The following ASIC2 variants were observed in gnomAD, a reference collection of about 807,000 sequenced individuals.
ASIC2 encodes acid-sensing ion channel 2.
Under a neutral mutation model 57.3 loss-of-function variants are expected in ASIC2, and 25 were observed. The observed-to-expected ratio is 0.44, with a 90% CI of 0.32 to 0.61. ASIC2 has a LOEUF of 0.61. Ranked by LOEUF, ASIC2 falls within the 20% of genes least tolerant of loss-of-function variation. The pLI is 0.06. For missense variants in ASIC2, 641 were observed against 738.1 expected, an observed-to-expected ratio of 0.87 and a Z score of 1.52; for synonymous variants, 319 against 307.5, an observed-to-expected ratio of 1.04 and a Z score of -0.39.
At chr17:33,068,564 C>CAAAACA (rs1319892518) in intron 3 of ASIC2, among the ~76,000 whole-genome samples, 15 of 151,722 alleles carry the variant, frequency 9.9e-5, no homozygotes, top group African/African-American at 2.9e-4. Context: ...CAAAACAAAA[C>CAAAACA]AAACCCAAAA....
intron 1 of ASIC2, among the ~76,000 whole-genome samples, chr17:33,331,779 T>A (rs764945779): frequency 3.9e-5 from 6 of 152,232 alleles, no homozygotes; most frequent in Non-Finnish European, 7.3e-5. Context: ...CCTATTGTTA[T>A]CCCTATTCTA....
At chr17:33,125,534 G>A (rs1293176790) in intron 1 of ASIC2, among the ~76,000 whole-genome samples, 1 of 152,170 alleles carries the variant, frequency 6.6e-6, no homozygotes, top group African/African-American at 2.4e-5. Flanking sequence ...CATCTAATGA[G>A]CAACTATTAC....
intron 1 of ASIC2, among the ~76,000 whole-genome samples, chr17:34,074,586 T>C (rs1909552770): frequency 6.6e-6 from 1 of 152,032 alleles, no homozygotes; most frequent in Non-Finnish European, 1.5e-5. Context: ...AAGTATAGCG[T>C]TTATTGTTAA....
At chr17:33,636,820 A>T (rs1906382414) in intron 1 of ASIC2, among the ~76,000 whole-genome samples, 1 of 151,972 alleles carries the variant, frequency 6.6e-6, no homozygotes, top group African/African-American at 2.4e-5. Context: ...CTCAAACTCC[A>T]TGCTTACAAA....
intron 1 of ASIC2, among the ~76,000 whole-genome samples, chr17:34,109,110 C>T (rs1911175593): frequency 6.6e-6 from 1 of 150,918 alleles, no homozygotes; most frequent in South Asian, 2.1e-4. Context: ...CTATTTTCAA[C>T]CTATGTGTTA....
chr17:33,784,865 G>A (rs1363508913), intron 1 of ASIC2, among the ~76,000 whole-genome samples: 1 of 152,102 alleles, frequency 6.6e-6, no homozygotes, highest in East Asian at 1.9e-4. Context: ...AGGACCTTAT[G>A]ACATGCCTTT....
intron 1 of ASIC2, among the ~76,000 whole-genome samples, chr17:33,666,240 T>C (rs1210590693): frequency 6.6e-6 from 1 of 152,170 alleles, no homozygotes; most frequent in Non-Finnish European, 1.5e-5. Context: ...TACTTGTTGA[T>C]TGATTGACAG....
chr17:34,105,281 G>A (rs1911003287), intron 1 of ASIC2, among the ~76,000 whole-genome samples: 2 of 151,644 alleles, frequency 1.3e-5, no homozygotes, highest in Non-Finnish European at 2.9e-5. Flanking sequence ...ACATCTGTAG[G>A]ATTTATAATG....
chr17:34,028,848 T>A (rs1308863077), intron 1 of ASIC2, among the ~76,000 whole-genome samples: 1 of 152,220 alleles, frequency 6.6e-6, no homozygotes, highest in Non-Finnish European at 1.5e-5. Context: ...ATCTTTCTGG[T>A]TCCATCTCCT....
intron 1 of ASIC2, among the ~76,000 whole-genome samples, chr17:33,547,164 G>A (rs906690798): frequency 3.3e-5 from 5 of 152,106 alleles, no homozygotes; most frequent in African/African-American, 1.2e-4. Context: ...TGTTGATATA[G>A]GAACTACAGT....
intron 1 of ASIC2, among the ~76,000 whole-genome samples, chr17:33,237,557 T>A (rs902131144): frequency 6.6e-6 from 1 of 151,972 alleles, no homozygotes; most frequent in African/African-American, 2.4e-5. Flanking sequence ...TCCATGTTGG[T>A]CAGGCTGGTC....
intron 1 of ASIC2, among the ~76,000 whole-genome samples, chr17:33,228,809 C>T (rs1907983405): frequency 6.6e-6 from 1 of 152,218 alleles, no homozygotes; most frequent in Non-Finnish European, 1.5e-5. Flanking sequence ...CTTTCCATTA[C>T]CCCACCCAGG....
At chr17:33,997,685 G>T (rs953016141) in intron 1 of ASIC2, among the ~76,000 whole-genome samples, 1 of 151,876 alleles carries the variant, frequency 6.6e-6, no homozygotes, top group African/African-American at 2.4e-5. Flanking sequence ...TTGCTGATTT[G>T]TGTATGCTGA....
At chr17:33,551,406 C>T (rs1210831744) in intron 1 of ASIC2, among the ~76,000 whole-genome samples, 1 of 152,124 alleles carries the variant, frequency 6.6e-6, no homozygotes, top group Non-Finnish European at 1.5e-5. Flanking sequence ...GCCAAGGCAG[C>T]ACCTGTGGGG....
intron 1 of ASIC2, chr17:34,001,768 G>A (rs1056246859): frequency 5.9e-5 from 9 of 152,234 alleles, no homozygotes; most frequent in Non-Finnish European, 7.3e-5. Flanking sequence ...TTTCTACCCT[G>A]TTTAGTGCAT....
At chr17:33,591,515 G>A (rs1904823639) in intron 1 of ASIC2, among the ~76,000 whole-genome samples, 2 of 152,216 alleles carry the variant, frequency 1.3e-5, no homozygotes, top group Admixed American at 1.3e-4. Context: ...GGCACTTAGA[G>A]TATGTAGCAG....
chr17:33,691,044 C>T (rs949424990), intron 1 of ASIC2, among the ~76,000 whole-genome samples: 2 of 152,038 alleles, frequency 1.3e-5, no homozygotes, highest in African/African-American at 2.4e-5. Flanking sequence ...ACACCGTGCC[C>T]GGCCTAGACA....
intron 1 of ASIC2, among the ~76,000 whole-genome samples, chr17:33,659,758 G>C (rs1216832492): frequency 6.6e-6 from 1 of 151,920 alleles, no homozygotes; most frequent in Non-Finnish European, 1.5e-5. Context: ...TGTAGTCCCA[G>C]CTACTGGGGA....
At chr17:34,033,708 A>C (rs1410164902) in intron 1 of ASIC2, among the ~76,000 whole-genome samples, 1 of 152,222 alleles carries the variant, frequency 6.6e-6, no homozygotes, top group Non-Finnish European at 1.5e-5. Context: ...CAGAAATACA[A>C]ACTACCATCA....
Sources: allele counts gnomAD v4.1 joint callset (sites outside exome capture counted in the v4.1 genomes callset), GRCh38; gene constraint gnomAD v4.1.1; transcripts MANE v1.5; gene names NCBI Gene and HGNC (gene_info 2026-07-23, HGNC 2026-07-21).